Variants in GRAMD1B observed in about 807,000 individuals in gnomAD.
The protein encoded by GRAMD1B is GRAM domain containing 1B.
A neutral mutation model predicts 99.7 loss-of-function variants in GRAMD1B; 37 were observed. That is an observed-to-expected ratio of 0.37 (90% CI 0.29 to 0.49). The LOEUF (loss-of-function observed/expected upper bound fraction) is 0.49, where lower values mean the gene tolerates loss of function less well. Among genes scored for constraint, GRAMD1B ranks in the 20% least tolerant of loss-of-function variants. GRAMD1B has a pLI of 0.98. For missense variants in GRAMD1B, 888 were observed against 1,009.2 expected (o/e 0.88, Z 1.63); for synonymous variants, 427 against 387.6 (o/e 1.10, Z -1.19).
At chr11:123,522,972 T>C (rs1311008909) in intron 2 of GRAMD1B, among the ~76,000 whole-genome samples, 4 of 152,242 alleles carry the variant, frequency 2.6e-5, no homozygotes, top group Non-Finnish European at 5.9e-5. Flanking sequence ...GTTTTTGAGC[T>C]GGGCACGCCT....
chr11:123,423,685 T>C (rs2136046730), intron 1 of GRAMD1B, among the ~76,000 whole-genome samples: 1 of 152,320 alleles, frequency 6.6e-6, no homozygotes, highest in Non-Finnish European at 1.5e-5. Flanking sequence ...GACTTCATTA[T>C]AGGATATAGC....
intron 1 of GRAMD1B, among the ~76,000 whole-genome samples, chr11:123,466,079 C>T (rs1353676032): frequency 6.6e-6 from 1 of 152,090 alleles, no homozygotes; most frequent in Non-Finnish European, 1.5e-5. Context: ...AGTTCAAGAC[C>T]AGCCTGGCCA....
chr11:123,607,864 ATT>A (rs1173923058), intron 11 of GRAMD1B: 1 of 152,404 alleles, frequency 6.6e-6, no homozygotes, highest in Non-Finnish European at 1.5e-5. Context: ...CTGTATCCTC[ATT>A]TGCATCCTCC....
intron 1 of GRAMD1B, among the ~76,000 whole-genome samples, chr11:123,468,066 G>T (rs770125542): frequency 6.6e-6 from 1 of 151,960 alleles, no homozygotes; most frequent in Non-Finnish European, 1.5e-5. Context: ...GTTTCACCAC[G>T]TTGGCCAGGA....
At chr11:123,412,345 A>C (rs772091800) in intron 1 of GRAMD1B, among the ~76,000 whole-genome samples, 1 of 152,250 alleles carries the variant, frequency 6.6e-6, no homozygotes, top group Non-Finnish European at 1.5e-5. Flanking sequence ...TGTGCCTATC[A>C]TGTGCAAGGC....
chr11:123,462,375 T>C (rs1031152557), intron 1 of GRAMD1B, among the ~76,000 whole-genome samples: 3 of 152,112 alleles, frequency 2.0e-5, no homozygotes, highest in Non-Finnish European at 4.4e-5. Flanking sequence ...CGTTACTTCT[T>C]GTTTCAAGGT....
rs969841037 is a variant in GRAMD1B at position 123,375,943 on chromosome 11, AT to A, written c.-176+17155del. ...ACAAGAGAGAAGGGTGAAAAGGTAG[AT>A]TTTTTTTTTTCCAGAGTTGTCTGGC... is the stretch of plus-strand genomic sequence containing the variant. On this transcript the variant is annotated intron_variant, in intron 1 of 20. Transcript: ENST00000638157. 8.1e-3 allele frequency among the ~76,000 whole-genome samples: 1,203 copies of A among 149,008 alleles called. 18 individuals carry two copies. Among genetic ancestry groups the A allele is most frequent in the African/African-American group, 0.026 (1,059 of 40,768 alleles).
At chr11:123,379,269 T>C (rs1480131864) in intron 1 of GRAMD1B, among the ~76,000 whole-genome samples, 2 of 152,202 alleles carry the variant, frequency 1.3e-5, no homozygotes, top group African/African-American at 2.4e-5. Flanking sequence ...ATTATTCAAA[T>C]GGCATCTGCA....
intron 1 of GRAMD1B, among the ~76,000 whole-genome samples, chr11:123,387,614 C>A (rs1428282252): frequency 6.6e-6 from 1 of 152,070 alleles, no homozygotes; most frequent in Non-Finnish European, 1.5e-5. Flanking sequence ...CAACAAGTTC[C>A]TTTACTACTT....
chr11:123,603,678 C>G, intron 9 of GRAMD1B, 137 bp downstream of exon 9: 1 of 665,774 alleles, frequency 1.5e-6, no homozygotes, highest in Non-Finnish European at 2.7e-6. Flanking sequence ...AAAGTGGTCA[C>G]AGGTGAGGTC....
intron 1 of GRAMD1B, among the ~76,000 whole-genome samples, chr11:123,363,587 T>TG (rs1392866699): frequency 0.013 from 2,003 of 152,194 alleles, 40 homozygotes; most frequent in African/African-American, 0.046. Flanking sequence ...TTTGTTTGTT[T>TG]TTTTTTGGCA....
chr11:123,613,244 C>T, intron 15 of GRAMD1B: 1 of 583,060 alleles, frequency 1.7e-6, no homozygotes, highest in Non-Finnish European at 3.1e-6. Context: ...ATATTGGGAA[C>T]ATATGGTTCC....
intron 2 of GRAMD1B, among the ~76,000 whole-genome samples, chr11:123,496,992 C>G (rs1210183351): frequency 6.6e-6 from 1 of 152,016 alleles, no homozygotes; most frequent in Admixed American, 6.6e-5. Context: ...TCATGTTTTC[C>G]TAGATGTGGT....
intron 1 of GRAMD1B, among the ~76,000 whole-genome samples, chr11:123,391,823 C>T (rs1335338965): frequency 6.6e-6 from 1 of 152,196 alleles, no homozygotes; most frequent in Non-Finnish European, 1.5e-5. Flanking sequence ...TGGCACTATG[C>T]CATGTGGATA....
intron 1 of GRAMD1B, among the ~76,000 whole-genome samples, chr11:123,389,190 C>A (rs1947185145): frequency 6.6e-6 from 1 of 152,094 alleles, no homozygotes; most frequent in Admixed American, 6.6e-5. Context: ...TGAGACCATC[C>A]TGGCTAACAT....
intron 8 of GRAMD1B, 73 bp downstream of exon 8, chr11:123,600,621 T>C: frequency 1.1e-6 from 1 of 906,346 alleles, no homozygotes; most frequent in Non-Finnish European, 1.8e-6. Flanking sequence ...CTCAGGGTTC[T>C]GGGAATCCCC....
At chr11:123,540,306 C>T (rs956227248) in intron 2 of GRAMD1B, among the ~76,000 whole-genome samples, 8 of 151,714 alleles carry the variant, frequency 5.3e-5, no homozygotes, top group African/African-American at 1.2e-4. Flanking sequence ...TCTCAAACAA[C>T]CGGGCTTAAG....
At chr11:123,526,947 G>A (rs1942839062) in intron 2 of GRAMD1B, among the ~76,000 whole-genome samples, 1 of 152,192 alleles carries the variant, frequency 6.6e-6, no homozygotes, top group Non-Finnish European at 1.5e-5. Context: ...CTTTTCATCT[G>A]GTGGAGAAAC....
chr11:123,541,286 C>A (rs1309095831), intron 2 of GRAMD1B, among the ~76,000 whole-genome samples: 1 of 152,162 alleles, frequency 6.6e-6, no homozygotes, highest in Non-Finnish European at 1.5e-5. Context: ...AACCTAGAAG[C>A]CAGATTTCTG....
Sources: gnomAD v4.1 joint callset for allele counts (sites outside exome capture counted in the v4.1 genomes callset) on GRCh38, gnomAD v4.1.1 for gene constraint, MANE v1.5 for transcripts, NCBI Gene and HGNC (gene_info 2026-07-23, HGNC 2026-07-21) for gene names.